TEX11: variants seen among roughly 807,000 people sequenced by gnomAD.
TEX11 encodes testis-expressed protein 11.
Under a neutral mutation model 84.4 loss-of-function variants are expected in TEX11, and 7 were observed. The ratio of observed to expected loss-of-function variants is 0.08; its 90% confidence interval spans 0.05 to 0.16. TEX11 has a LOEUF of 0.16. Among genes scored for constraint, TEX11 ranks in the 10% least tolerant of loss-of-function variants. The pLI is 1.00. For missense variants in TEX11, 551 were observed against 660.5 expected (o/e 0.83, Z 1.82); for synonymous variants, 264 against 222.8 (o/e 1.18, Z -1.64).
At chrX:70,595,742 T>C (rs1175796968) in intron 24 of TEX11, among the ~76,000 whole-genome samples, 1 of 111,316 alleles carries the variant, frequency 9.0e-6, no homozygotes, top group Non-Finnish European at 1.9e-5. Context: ...ACATGAGATA[T>C]ATAGAAACCA....
chrX:70,707,900 T>C (rs1332309046), intron 13 of TEX11, among the ~76,000 whole-genome samples: 1 of 110,401 alleles, frequency 9.1e-6, no homozygotes, highest in East Asian at 2.8e-4. Context: ...CCAAAAGCAA[T>C]TGCAACAAAA....
At chrX:70,524,939 T>C (rs748804930), downstream of TEX11, among the ~76,000 whole-genome samples, 1 of 112,207 alleles carries the variant, frequency 8.9e-6, no homozygotes, top group African/African-American at 3.2e-5. Flanking sequence ...TTTGGGAAGC[T>C]GAAGCAGGAA....
At chrX:70,671,080 A>G in intron 15 of TEX11, among the ~76,000 whole-genome samples, 1 of 111,857 alleles carries the variant, frequency 8.9e-6, no homozygotes, top group African/African-American at 3.2e-5. Context: ...GATTTTCTTA[A>G]TGTTAGCTAT....
At chrX:70,625,051 C>G (rs760643227) in intron 18 of TEX11, 127 bp from the exon 19 acceptor site, 8 of 490,941 alleles carry the variant, frequency 1.6e-5, no homozygotes, top group Non-Finnish European at 2.6e-5. Flanking sequence ...CTCAAAAACG[C>G]TACTGCAAGA....
chrX:70,551,644 T>C (rs935910407), intron 28 of TEX11, among the ~76,000 whole-genome samples: 2 of 111,895 alleles, frequency 1.8e-5, no homozygotes, highest in African/African-American at 6.5e-5. Flanking sequence ...GTGAATTTTA[T>C]GATATGTGAA....
Position 70,541,311 on chromosome X carries a change from C to T in TEX11, c.2520+10815G>A, listed in dbSNP as rs762900497. Among the ~76,000 whole-genome samples the T allele has an allele frequency of 1.1e-4, 12 of 111,372 alleles. No homozygotes were observed. In the South Asian group the frequency reaches 1.1e-3, roughly 11 times the overall value. On this transcript the variant is annotated intron_variant, in intron 28 of 29. Coordinates refer to ENST00000374333, the MANE Select transcript of TEX11 (RefSeq NM_031276.3). ...ATTATAGAAATTGGTAATAGATTTG[C>T]GGTTGTCAGGGTTTAAGGAGGAGCT...
intron 8 of TEX11, among the ~76,000 whole-genome samples, chrX:70,823,849 A>C (rs779167398): frequency 5.4e-5 from 6 of 110,214 alleles, no homozygotes; most frequent in African/African-American, 2.0e-4. Flanking sequence ...TCTACTAAAA[A>C]AAAAATACAA....
chrX:70,828,747 A>G (rs1461305484), intron 8 of TEX11, among the ~76,000 whole-genome samples: 1 of 111,574 alleles, frequency 9.0e-6, no homozygotes, highest in Non-Finnish European at 1.9e-5. Flanking sequence ...AGAAGGTTAT[A>G]GAACACTAAG....
chrX:70,566,130 A>C (rs1286416696), intron 25 of TEX11, among the ~76,000 whole-genome samples: 4 of 105,577 alleles, frequency 3.8e-5, no homozygotes, highest in South Asian at 4.6e-4. Flanking sequence ...ATCCCTTGTA[A>C]GTTGGATTCT....
At chrX:70,669,317 A>G (rs2090002940) in intron 16 of TEX11, among the ~76,000 whole-genome samples, 1 of 111,880 alleles carries the variant, frequency 8.9e-6, no homozygotes. Context: ...AAATCATGGA[A>G]GTTATAAAGG....
chrX:70,769,480 A>C (rs758791586), intron 9 of TEX11, among the ~76,000 whole-genome samples: 13 of 111,958 alleles, frequency 1.2e-4, no homozygotes, highest in African/African-American at 4.2e-4. Flanking sequence ...AGCTCCCTAA[A>C]TTTAGATTTC....
chrX:70,898,524 G>T (rs2091785273), intron 2 of TEX11, among the ~76,000 whole-genome samples: 1 of 111,868 alleles, frequency 8.9e-6, no homozygotes, highest in Admixed American at 9.5e-5. Flanking sequence ...GGTATACAGG[G>T]GCCAGAACTT....
intron 13 of TEX11, among the ~76,000 whole-genome samples, chrX:70,695,714 A>G (rs758196169): frequency 8.9e-6 from 1 of 111,946 alleles, no homozygotes; most frequent in Non-Finnish European, 1.9e-5. Context: ...TGGGAAGGCC[A>G]GCTAGAATTA....
intron 9 of TEX11, among the ~76,000 whole-genome samples, chrX:70,752,191 A>C (rs1322065632): frequency 8.9e-6 from 1 of 112,070 alleles, no homozygotes; most frequent in African/African-American, 3.2e-5. Flanking sequence ...TTTGCAAAGC[A>C]ATAATTATAA....
intron 24 of TEX11, among the ~76,000 whole-genome samples, chrX:70,600,081 T>C (rs1603124408): frequency 9.0e-6 from 1 of 111,527 alleles, no homozygotes; most frequent in South Asian, 3.8e-4. Context: ...TCTAGATCCC[T>C]GAGGAATTGC....
intron 13 of TEX11, among the ~76,000 whole-genome samples, chrX:70,692,983 G>A (rs964538536): frequency 4.5e-5 from 5 of 111,669 alleles, no homozygotes; most frequent in Non-Finnish European, 9.4e-5. Context: ...AGTGGCACAC[G>A]CCTGTAATCC....
At chrX:70,632,205 A>C (rs2147565010) in intron 17 of TEX11, among the ~76,000 whole-genome samples, 1 of 111,468 alleles carries the variant, frequency 9.0e-6, no homozygotes, top group East Asian at 2.8e-4. Flanking sequence ...TGTAGCATTA[A>C]CTGTCCAGAT....
At chrX:70,832,689 T>TA (rs1229322957) in intron 8 of TEX11, among the ~76,000 whole-genome samples, 1 of 111,433 alleles carries the variant, frequency 9.0e-6, no homozygotes, top group Non-Finnish European at 1.9e-5. Flanking sequence ...GGCGCTGAAA[T>TA]AGGAGAGAAA....
chrX:70,689,366 A>G (rs2090215653), intron 13 of TEX11, among the ~76,000 whole-genome samples: 1 of 111,615 alleles, frequency 9.0e-6, no homozygotes, highest in Non-Finnish European at 1.9e-5. Context: ...ATGACACCCC[A>G]GTAGCAACAA....
Sources: allele counts gnomAD v4.1 joint callset (sites outside exome capture counted in the v4.1 genomes callset), GRCh38; gene constraint gnomAD v4.1.1; transcripts MANE v1.5; gene names NCBI Gene and HGNC (gene_info 2026-07-23, HGNC 2026-07-21).